Variants in LY86 observed in about 807,000 individuals in gnomAD.
The protein encoded by LY86 is MD-1, RP105-associated.
In LY86, 20 loss-of-function variants were observed where a neutral mutation model predicts 17.3. The observed-to-expected ratio is 1.15, with a 90% CI of 0.81 to 1.68. The LOEUF is 1.68. Among genes scored for constraint, LY86 ranks in the 40% most tolerant of loss-of-function variants. The pLI is 0.00. For missense variants in LY86, 200 were observed against 191.9 expected, an observed-to-expected ratio of 1.04 and a Z score of -0.25; for synonymous variants, 74 against 70.6, an observed-to-expected ratio of 1.05 and a Z score of -0.24.
rs1271833392 is a variant in LY86, at chr6:6,647,962, A to G, written c.353-1663A>G. On this transcript the variant is annotated intron_variant, in intron 3 of 4. Coordinates refer to ENST00000230568, the MANE Select transcript of LY86 (RefSeq NM_004271.4). ...CTCCCAGAAATAGAGCTCTTCAATC[A>G]TCACATACACACACACACACACACA... Among the ~76,000 whole-genome samples the G allele has an allele frequency of 4.3e-5, 6 of 139,218 alleles. No individual in the cohort carries two copies. In the Admixed American group the frequency reaches 4.4e-4, roughly 10 times the overall value. 91.3% of individuals were successfully genotyped at this position (139,218 alleles called of 152,430 possible).
chr6:6,629,940 T>G (rs1293674615), intron 3 of LY86, among the ~76,000 whole-genome samples: 2 of 152,220 alleles, frequency 1.3e-5, no homozygotes, highest in African/African-American at 4.8e-5. Context: ...TACATGAAAA[T>G]ATACTTGTAA....
chr6:6,606,906 C>T (rs1581237303), intron 1 of LY86, among the ~76,000 whole-genome samples: 1 of 152,390 alleles, frequency 6.6e-6, no homozygotes, highest in African/African-American at 2.4e-5. Flanking sequence ...GCACCTCAAG[C>T]GTGGACAGAG....
intron 1 of LY86, among the ~76,000 whole-genome samples, chr6:6,595,000 A>G (rs1760653361): frequency 1.3e-5 from 2 of 152,132 alleles, no homozygotes; most frequent in Non-Finnish European, 2.9e-5. Context: ...CCAGAAATAC[A>G]GGGTGAGACC....
In LY86 at chr6:6,647,982, C is replaced by T. The variant is rs1581253357; in HGVS notation, c.353-1643C>T. ...CAATCATCACATACACACACACACA[C>T]ACACACACACACACACACACACACA... On this transcript the variant is annotated intron_variant, in intron 3 of 4. Coordinates refer to ENST00000230568, the MANE Select transcript of LY86 (RefSeq NM_004271.4). Among the ~76,000 whole-genome samples the T allele has an allele frequency of 4.7e-5, 4 of 84,318 alleles. No individual in the cohort carries two copies. In the South Asian group the frequency reaches 2.1e-3, roughly 44 times the overall value. The allele number at this position is 84,318 out of a possible 152,430, so 55.3% of individuals were successfully genotyped here. A position where few individuals can be genotyped will look rare whatever the true frequency, so the allele number is the denominator to read the frequency against.
intron 1 of LY86, among the ~76,000 whole-genome samples, chr6:6,606,056 G>C (rs576862416): frequency 1.3e-5 from 2 of 152,332 alleles, no homozygotes; most frequent in East Asian, 1.9e-4. Context: ...GGTTACTGCT[G>C]CTAGCGCGGG....
In LY86 at chr6:6,646,920, CA is replaced by C. The variant is rs988436497; in HGVS notation, c.353-2697del. On this transcript the variant is annotated intron_variant, in intron 3 of 4. Transcript: ENST00000230568. ...TCTTTAAATTTATGGCCACAAACCT[CA>C]AAAAAAAGCACTCAACACTGCCTAG... Among the ~76,000 whole-genome samples, 3 of 151,640 alleles carry C rather than the reference CA, an allele frequency of 2.0e-5. No homozygotes were observed. The South Asian group carries it at 6.3e-4, about 32-fold the overall frequency.
At chr6:6,634,809 C>T (rs1761939568) in intron 3 of LY86, among the ~76,000 whole-genome samples, 1 of 152,204 alleles carries the variant, frequency 6.6e-6, no homozygotes, top group African/African-American at 2.4e-5. Context: ...CAATGTGCTC[C>T]TTTCCACAGA....
At chr6:6,629,636 A>G (rs1345026633) in intron 3 of LY86, among the ~76,000 whole-genome samples, 2 of 152,240 alleles carry the variant, frequency 1.3e-5, no homozygotes, top group African/African-American at 4.8e-5. Context: ...TGCAAACTGC[A>G]TCTCGCTGGC....
chr6:6,633,990 C>A (rs1472189779), intron 3 of LY86, among the ~76,000 whole-genome samples: 1 of 152,052 alleles, frequency 6.6e-6, no homozygotes, highest in Non-Finnish European at 1.5e-5. Context: ...TTGAAAGCTG[C>A]GATTGATGTA....
intron 3 of LY86, among the ~76,000 whole-genome samples, chr6:6,643,867 T>C (rs545833097): frequency 6.6e-6 from 1 of 152,336 alleles, no homozygotes; most frequent in African/African-American, 2.4e-5. Flanking sequence ...CATTTCTCAA[T>C]ATAACTGGGG....
intron 3 of LY86, among the ~76,000 whole-genome samples, chr6:6,628,036 CTT>C (rs202086977): frequency 6.8e-6 from 1 of 147,504 alleles, no homozygotes. Context: ...CAAATTGGGA[CTT>C]TTTTTTTTTT....
intron 1 of LY86, among the ~76,000 whole-genome samples, chr6:6,590,158 TAC>T (rs1188344590): frequency 7.3e-6 from 1 of 136,764 alleles, no homozygotes; most frequent in Non-Finnish European, 1.6e-5. Context: ...TATCTCCACA[TAC>T]AGTCACATTC....
intron 1 of LY86, 89 bp downstream of exon 1, chr6:6,588,959 G>GCA: frequency 6.7e-7 from 1 of 1,484,234 alleles, no homozygotes; most frequent in African/African-American, 1.4e-5. Context: ...AGTTGGGGTG[G>GCA]GAGGGGAGAG....
rs1056961894 is a variant in LY86, at chr6:6,654,582, A to G, written c.444A>G (p.Lys148=). The G allele has an allele frequency of 2.0e-5, 32 of 1,614,048 alleles. No individual in the cohort carries two copies. Among genetic ancestry groups the G allele is most frequent in the Non-Finnish European group, 2.1e-5 (25 of 1,180,038 alleles). The change falls in exon 5 of 5, where the codon AAA becomes AAG. Residue 148 remains lysine, a synonymous_variant. Transcript: ENST00000230568. ...TTTTGCTGGAACTGTACACTGAAAA[A>G]CGGTCCACCGTGGCCTGTGCCAATG... ...YQVLLELYTE[K]RSTVACANAT... is the part of the protein sequence containing the mutation.
At chr6:6,603,591 C>CAAAAAAA (rs779324556) in intron 1 of LY86, among the ~76,000 whole-genome samples, 1 of 23,416 alleles carries the variant, frequency 4.3e-5, no homozygotes, top group African/African-American at 8.2e-5. Flanking sequence ...AAGCCAAAAA[C>CAAAAAAA]AAAAACAGAA....
At chr6:6,631,319 G>A (rs1243753423) in intron 3 of LY86, among the ~76,000 whole-genome samples, 1 of 152,164 alleles carries the variant, frequency 6.6e-6, no homozygotes, top group East Asian at 1.9e-4. Context: ...AGGTCACAAA[G>A]CCAGCGGGGG....
intron 3 of LY86, among the ~76,000 whole-genome samples, chr6:6,644,156 G>A (rs764776291): frequency 6.6e-6 from 1 of 152,198 alleles, no homozygotes; most frequent in Non-Finnish European, 1.5e-5. Context: ...ATGGGGAGAG[G>A]GTTGCCTAAA....
At chr6:6,600,254 C>A (rs1760855959) in intron 1 of LY86, among the ~76,000 whole-genome samples, 1 of 152,120 alleles carries the variant, frequency 6.6e-6, no homozygotes, top group Non-Finnish European at 1.5e-5. Context: ...GTCCAACAGC[C>A]TTTAGTAAAC....
intron 1 of LY86, among the ~76,000 whole-genome samples, chr6:6,605,190 G>T (rs192234697): frequency 4.6e-5 from 7 of 152,234 alleles, no homozygotes; most frequent in African/African-American, 9.6e-5. Context: ...GATGAATTTG[G>T]AACAAGAATG....
Sources: allele counts gnomAD v4.1 joint callset (sites outside exome capture counted in the v4.1 genomes callset), GRCh38; gene constraint gnomAD v4.1.1; transcripts MANE v1.5; gene names NCBI Gene and HGNC (gene_info 2026-07-23, HGNC 2026-07-21).